The following MAP4K4 variants were observed in gnomAD, a reference collection of about 807,000 sequenced individuals.
The protein encoded by MAP4K4 is HPK/GCK-like kinase HGK.
MAP4K4 carries 38 observed loss-of-function variants against 189.6 expected under a neutral mutation model. The observed-to-expected ratio is 0.20, with a 90% CI of 0.15 to 0.26. The LOEUF (loss-of-function observed/expected upper bound fraction) is 0.26, where lower values mean the gene tolerates loss of function less well. Among genes scored for constraint, MAP4K4 ranks in the 10% least tolerant of loss-of-function variants. The pLI is 1.00. For synonymous variants in MAP4K4, 610 were observed against 624.3 expected, an observed-to-expected ratio of 0.98 and a Z score of 0.34; for missense variants, 1,054 against 1,726.9, an observed-to-expected ratio of 0.61 and a Z score of 6.91.
chr2:101,784,421 C>T (rs939854935), intron 2 of MAP4K4, among the ~76,000 whole-genome samples: 1 of 152,060 alleles, frequency 6.6e-6, no homozygotes, highest in South Asian at 2.1e-4. Context: ...CTTCAGGTTA[C>T]TGAGATGTGC....
chr2:101,847,692 G>C (rs376536825), intron 12 of MAP4K4, among the ~76,000 whole-genome samples: 4 of 152,086 alleles, frequency 2.6e-5, no homozygotes, highest in African/African-American at 4.8e-5. Context: ...AAATTTAAAA[G>C]TTAAAGTAAG....
chr2:101,789,872 G>C (rs1445977067), intron 2 of MAP4K4, among the ~76,000 whole-genome samples: 1 of 152,090 alleles, frequency 6.6e-6, no homozygotes, highest in Non-Finnish European at 1.5e-5. Context: ...AAAGGAGAAT[G>C]ATATCAAGTA....
intron 8 of MAP4K4, 110 bp from the exon 9 acceptor site, chr2:101,835,790 T>C: frequency 1.4e-6 from 1 of 698,438 alleles, no homozygotes; most frequent in South Asian, 1.7e-5. Context: ...GTATGAAGCC[T>C]GTCAGTCAGA....
intron 9 of MAP4K4, among the ~76,000 whole-genome samples, chr2:101,837,058 TTC>T (rs1295132301): frequency 1.3e-5 from 2 of 152,076 alleles, no homozygotes; most frequent in South Asian, 2.1e-4. Context: ...GTGTTCTTCT[TTC>T]TGTTTTTCTG....
intron 2 of MAP4K4, among the ~76,000 whole-genome samples, chr2:101,722,880 A>G (rs2053032432): frequency 6.6e-6 from 1 of 152,226 alleles, no homozygotes; most frequent in Admixed American, 6.5e-5. Context: ...TAGTAGCAGT[A>G]TACAGCATCT....
intron 27 of MAP4K4, among the ~76,000 whole-genome samples, chr2:101,881,382 GC>G (rs1471768407): frequency 1.3e-5 from 2 of 152,110 alleles, no homozygotes; most frequent in Non-Finnish European, 2.9e-5. Flanking sequence ...ATTAGTTCCA[GC>G]AGGGTTTTTG....
chr2:101,798,196 G>A (rs2093998469), intron 3 of MAP4K4, among the ~76,000 whole-genome samples: 2 of 151,648 alleles, frequency 1.3e-5, no homozygotes, highest in Admixed American at 6.6e-5. Context: ...TTACAGGTAT[G>A]AGCCACAGCA....
At chr2:101,762,451 G>C (rs142839301) in intron 2 of MAP4K4, among the ~76,000 whole-genome samples, 59 of 152,270 alleles carry the variant, frequency 3.9e-4, no homozygotes, top group African/African-American at 1.4e-3. Flanking sequence ...CACCAGAGGA[G>C]TTTTCAAAGG....
chr2:101,737,821 C>G (rs1335899652), intron 2 of MAP4K4, among the ~76,000 whole-genome samples: 1 of 152,092 alleles, frequency 6.6e-6, no homozygotes, highest in East Asian at 1.9e-4. Context: ...ACTCTCTCCC[C>G]CCTCTTTCTC....
intron 11 of MAP4K4, among the ~76,000 whole-genome samples, chr2:101,843,586 GAAGGGTGTGTTT>G (rs1462152081): frequency 6.6e-6 from 1 of 152,126 alleles, no homozygotes; most frequent in Non-Finnish European, 1.5e-5. Flanking sequence ...GGTCAGCTAG[GAAGGGTGTGTTT>G]AATTGATCTG....
intron 2 of MAP4K4, among the ~76,000 whole-genome samples, chr2:101,738,252 T>C (rs1404279768): frequency 6.6e-6 from 1 of 152,226 alleles, no homozygotes; most frequent in East Asian, 1.9e-4. Context: ...ATATGATTTC[T>C]GTCTTAGTCC....
chr2:101,794,000 T>A (rs574320893), intron 3 of MAP4K4, among the ~76,000 whole-genome samples: 69 of 152,286 alleles, frequency 4.5e-4, no homozygotes, highest in South Asian at 2.1e-3. Flanking sequence ...AGATGTCAAG[T>A]TCTCTTCAAA....
At chr2:101,744,654 T>C (rs1228481928) in intron 2 of MAP4K4, among the ~76,000 whole-genome samples, 1 of 151,892 alleles carries the variant, frequency 6.6e-6, no homozygotes, top group African/African-American at 2.4e-5. Flanking sequence ...CCTAGGCGAG[T>C]TGGGCTTTAC....
Position 101,859,099 on chromosome 2 carries a change from G to GT in MAP4K4, c.1482+20dup. 6.2e-7 allele frequency: 1 copy of GT among 1,602,868 alleles called. No homozygotes were observed. The highest frequency in any genetic ancestry group is 8.5e-7 in the Non-Finnish European group (1 of 1,171,660). ...ATGTTACTGGTAAAGCCCCGCCTCT[G>GT]TTTCATTCTGTAGCATCAGGGCTCC... On this transcript the variant is annotated intron_variant, in intron 14 of 32. Coordinates refer to ENST00000324219, the Ensembl canonical transcript of MAP4K4.
chr2:101,872,725 G>C (rs1489509220), intron 24 of MAP4K4, among the ~76,000 whole-genome samples: 3 of 152,150 alleles, frequency 2.0e-5, no homozygotes, highest in Non-Finnish European at 2.9e-5. Context: ...GCTTAGGGGA[G>C]GGCATGGGCT....
At chr2:101,854,016 G>A (rs954780202) in intron 12 of MAP4K4, among the ~76,000 whole-genome samples, 2 of 152,064 alleles carry the variant, frequency 1.3e-5, no homozygotes, top group Non-Finnish European at 2.9e-5. Flanking sequence ...ATTTTGTTTC[G>A]TTTTGCCTCT....
At chr2:101,890,957 A>G (rs897648205) in intron 32 of MAP4K4, among the ~76,000 whole-genome samples, 1 of 151,364 alleles carries the variant, frequency 6.6e-6, no homozygotes, top group African/African-American at 2.4e-5. Flanking sequence ...CATGTTGGCC[A>G]GACTGGTCTG....
intron 2 of MAP4K4, among the ~76,000 whole-genome samples, chr2:101,751,515 CT>C (rs1328060888): frequency 1.3e-5 from 2 of 152,128 alleles, no homozygotes; most frequent in Non-Finnish European, 2.9e-5. Context: ...TTTAAGGTGC[CT>C]TTCTTCATTC....
chr2:101,765,852 AT>A (rs2078406892), intron 2 of MAP4K4, among the ~76,000 whole-genome samples: 1 of 152,200 alleles, frequency 6.6e-6, no homozygotes, highest in Non-Finnish European at 1.5e-5. Context: ...TTCTGAGACA[AT>A]TACTCTGTGA....
Sources: gnomAD v4.1 joint callset for allele counts (sites outside exome capture counted in the v4.1 genomes callset) on GRCh38, gnomAD v4.1.1 for gene constraint, MANE v1.5 for transcripts, NCBI Gene and HGNC (gene_info 2026-07-23, HGNC 2026-07-21) for gene names.